The following TRPC7 variants were observed in gnomAD, a reference collection of about 807,000 sequenced individuals.
TRPC7 encodes short transient receptor potential channel 7.
TRPC7 carries 42 observed loss-of-function variants against 90.1 expected under a neutral mutation model. The ratio of observed to expected loss-of-function variants is 0.47; its 90% confidence interval spans 0.36 to 0.60. TRPC7 has a LOEUF of 0.60. Ranked by LOEUF, TRPC7 falls within the 20% of genes least tolerant of loss-of-function variation. TRPC7 has a pLI of 0.00. For synonymous variants in TRPC7, 451 were observed against 436.3 expected (o/e 1.03, Z -0.42); for missense variants, 955 against 1,112.3 (o/e 0.86, Z 2.01).
intron 2 of TRPC7, among the ~76,000 whole-genome samples, chr5:136,325,583 A>C (rs371536332): frequency 2.6e-5 from 4 of 152,214 alleles, no homozygotes; most frequent in African/African-American, 9.7e-5. Context: ...GTTCAGAAGC[A>C]TATATGAGGG....
At position 136,247,894 on chromosome 5, in the gene TRPC7, G is replaced by T. The variant is rs1756394387; in HGVS notation, c.1580-159C>A. On this transcript the variant is annotated intron_variant, in intron 6 of 11. Coordinates refer to ENST00000513104, the MANE Select transcript of TRPC7 (RefSeq NM_020389.3). This position sits in a 1 kb window ranked among gnomAD's most constrained non-coding sequence, Gnocchi z 4.2. ...TCCAGAAGTTGCCACCCTCCCTCTT[G>T]GAATGTGCTGGACCATCTGCCTGGA... Among the ~76,000 whole-genome samples, 1 of 152,140 alleles carries T rather than the reference G, an allele frequency of 6.6e-6. No individual in the cohort carries two copies. The highest frequency in any genetic ancestry group is 2.4e-5 in the African/African-American group (1 of 41,438).
intron 2 of TRPC7, among the ~76,000 whole-genome samples, chr5:136,324,309 T>A (rs1237546008): frequency 6.6e-6 from 1 of 152,210 alleles, no homozygotes; most frequent in African/African-American, 2.4e-5. Flanking sequence ...CTCAGAAATG[T>A]GCATTTACAT....
chr5:136,266,742 G>T (rs1417744562), intron 4 of TRPC7, among the ~76,000 whole-genome samples: 1 of 152,154 alleles, frequency 6.6e-6, no homozygotes, highest in Admixed American at 6.5e-5. Flanking sequence ...GCATGGATAT[G>T]AAAAAATAAT....
At chr5:136,215,366 C>T (rs192808073) in intron 11 of TRPC7, among the ~76,000 whole-genome samples, 8 of 152,302 alleles carry the variant, frequency 5.3e-5, no homozygotes, top group East Asian at 3.9e-4. Context: ...AAGATGTCCC[C>T]GTCCTGATCC....
intron 2 of TRPC7, among the ~76,000 whole-genome samples, chr5:136,324,762 TAGA>T (rs1197843026): frequency 6.6e-6 from 1 of 152,344 alleles, no homozygotes; most frequent in African/African-American, 2.4e-5. Context: ...AAACTTAAAT[TAGA>T]AGAGAAAGAG....
intron 2 of TRPC7, among the ~76,000 whole-genome samples, chr5:136,332,772 T>C (rs1331685725): frequency 6.6e-6 from 1 of 152,218 alleles, no homozygotes; most frequent in Non-Finnish European, 1.5e-5. Flanking sequence ...CACAATTGCT[T>C]AGCAAATACT....
intron 7 of TRPC7, among the ~76,000 whole-genome samples, chr5:136,233,233 C>T (rs1755874790): frequency 6.6e-6 from 1 of 152,172 alleles, no homozygotes; most frequent in African/African-American, 2.4e-5. Flanking sequence ...GATTTTGAAA[C>T]ATTTAATTCA....
chr5:136,231,250 A>G (rs2149797078), intron 8 of TRPC7, 104 bp downstream of exon 8: 1 of 1,040,758 alleles, frequency 9.6e-7, no homozygotes, highest in Non-Finnish European at 1.4e-6. Flanking sequence ...TTCTGGCTGC[A>G]CATTTAACAA....
intron 2 of TRPC7, among the ~76,000 whole-genome samples, chr5:136,320,194 A>C (rs1759148308): frequency 6.6e-6 from 1 of 151,946 alleles, no homozygotes; most frequent in Admixed American, 6.6e-5. Flanking sequence ...CTTGATTGCT[A>C]CCTTCCTTTC....
intron 3 of TRPC7, among the ~76,000 whole-genome samples, chr5:136,287,955 C>T (rs1247941278): frequency 6.6e-6 from 1 of 152,138 alleles, no homozygotes; most frequent in Non-Finnish European, 1.5e-5. Flanking sequence ...GGGCAGGAGA[C>T]ACTGAGCCAG....
intron 5 of TRPC7, among the ~76,000 whole-genome samples, chr5:136,259,863 C>T (rs1414257407): frequency 6.6e-6 from 1 of 152,170 alleles, no homozygotes; most frequent in Non-Finnish European, 1.5e-5. Context: ...ACTTGGCTTC[C>T]TTGATATTAT....
chr5:136,229,356 T>C (rs1368802814), intron 8 of TRPC7, among the ~76,000 whole-genome samples: 7 of 152,142 alleles, frequency 4.6e-5, no homozygotes, highest in Non-Finnish European at 1.0e-4. Flanking sequence ...CTCCCTGCCT[T>C]GGTACATGTG....
intron 8 of TRPC7, among the ~76,000 whole-genome samples, chr5:136,230,746 A>G (rs2149796907): frequency 6.6e-6 from 1 of 152,184 alleles, no homozygotes; most frequent in South Asian, 2.1e-4. Flanking sequence ...CAACCCCTTT[A>G]TCTGTCAGGC....
intron 2 of TRPC7, among the ~76,000 whole-genome samples, chr5:136,347,185 G>C (rs1222303623): frequency 1.3e-5 from 2 of 152,292 alleles, no homozygotes; most frequent in Admixed American, 1.3e-4. Context: ...CCTCAGTACT[G>C]TGAGAGAATA....
At position 136,217,495 on chromosome 5, in the gene TRPC7, C is replaced by A. The variant is rs76619498; in HGVS notation, c.2344-1220G>T. ...CTCTAGGATAACACTGGGTTTAGCT[C>A]ATTCAGGCCAGCACTGCCCCTCCTC... is the stretch of plus-strand genomic sequence containing the variant. On this transcript the variant is annotated intron_variant, in intron 10 of 11. Coordinates refer to ENST00000513104, the MANE Select transcript of TRPC7 (RefSeq NM_020389.3). Among the ~76,000 whole-genome samples the A allele has an allele frequency of 1.8e-3, 280 of 152,288 alleles. 2 individuals carry two copies. Among genetic ancestry groups the A allele is most frequent in the African/African-American group, 6.5e-3 (272 of 41,568 alleles).
At chr5:136,252,070 G>A (rs1200024472) in intron 5 of TRPC7, among the ~76,000 whole-genome samples, 188 bp from the exon 6 acceptor site, 1 of 152,310 alleles carries the variant, frequency 6.6e-6, no homozygotes, top group African/African-American at 2.4e-5. Flanking sequence ...TCAGAGACTT[G>A]GCCTTGTGCT....
At chr5:136,323,799 G>T (rs1759269096) in intron 2 of TRPC7, among the ~76,000 whole-genome samples, 1 of 151,906 alleles carries the variant, frequency 6.6e-6, no homozygotes, top group Non-Finnish European at 1.5e-5. Context: ...AAATTATCTT[G>T]GCTTTTCTCA....
intron 2 of TRPC7, among the ~76,000 whole-genome samples, chr5:136,329,950 A>C (rs1486639058): frequency 6.6e-6 from 1 of 152,108 alleles, no homozygotes; most frequent in East Asian, 1.9e-4. Context: ...GCCACCCAGC[A>C]TTCTCTGTTT....
chr5:136,299,860 T>C (rs1272926790), intron 3 of TRPC7, among the ~76,000 whole-genome samples: 1 of 152,218 alleles, frequency 6.6e-6, no homozygotes, highest in Non-Finnish European at 1.5e-5. Context: ...CTATTTCTTG[T>C]GGGGCATTGG....
Sources: allele counts gnomAD v4.1 joint callset (sites outside exome capture counted in the v4.1 genomes callset), GRCh38; gene constraint gnomAD v4.1.1; non-coding constraint Gnocchi (gnomAD v3.1); transcripts MANE v1.5; gene names NCBI Gene and HGNC (gene_info 2026-07-23, HGNC 2026-07-21).